BRD10: variants seen among roughly 807,000 people sequenced by gnomAD.
BRD10 encodes uncharacterized bromodomain-containing protein 10.
the BRD10 span, among the ~76,000 whole-genome samples, chr9:5,882,947 G>A: frequency 5.3e-5 from 8 of 152,122 alleles, no homozygotes; most frequent in South Asian, 2.1e-4. Flanking sequence ...CTCACAGGTG[G>A]GAATTGAACA....
the BRD10 span, among the ~76,000 whole-genome samples, chr9:5,934,699 T>A: frequency 6.6e-6 from 1 of 152,064 alleles, no homozygotes; most frequent in Non-Finnish European, 1.5e-5. Flanking sequence ...ACAAATACCT[T>A]TTAGAAAAGC....
the BRD10 span, chr9:5,897,706 A>T: frequency 6.9e-7 from 1 of 1,445,210 alleles, no homozygotes. Context: ...CCCTCTTTCC[A>T]GTTCTTTCCT....
chr9:5,929,005 C>T, the BRD10 span: 2 of 1,097,802 alleles, frequency 1.8e-6, no homozygotes, highest in Non-Finnish European at 2.7e-6. Context: ...AAATTAAGGA[C>T]CATAAAATAA....
the BRD10 span, among the ~76,000 whole-genome samples, chr9:5,998,152 G>C: frequency 6.6e-6 from 1 of 152,112 alleles, no homozygotes; most frequent in Non-Finnish European, 1.5e-5. Context: ...TAAAGTTTGA[G>C]ATGGCTACTG....
At chr9:5,920,407 G>C in the BRD10 span, 1 of 1,613,774 alleles carries the variant, frequency 6.2e-7, no homozygotes, top group Non-Finnish European at 8.5e-7. Context: ...ACTGACTCCC[G>C]ACTAGACTAG....
At chr9:5,947,950 ACTCCATAGCAG>A in the BRD10 span, among the ~76,000 whole-genome samples, 1 of 152,120 alleles carries the variant, frequency 6.6e-6, no homozygotes, top group African/African-American at 2.4e-5. Context: ...TGAACACGAA[ACTCCATAGCAG>A]CTCAGATTAC....
the BRD10 span, among the ~76,000 whole-genome samples, chr9:5,942,424 G>GTAACA: frequency 3.9e-5 from 6 of 151,968 alleles, no homozygotes; most frequent in South Asian, 6.2e-4. Context: ...ATAACATAAC[G>GTAACA]TAACATAACA....
the BRD10 span, among the ~76,000 whole-genome samples, chr9:5,952,482 C>T: frequency 6.6e-6 from 1 of 152,184 alleles, no homozygotes; most frequent in Non-Finnish European, 1.5e-5. Flanking sequence ...CTATGTGTAG[C>T]ACACTTACTA....
the BRD10 span, chr9:5,920,212 G>T: frequency 6.2e-7 from 1 of 1,613,364 alleles, no homozygotes; most frequent in Non-Finnish European, 8.5e-7. Flanking sequence ...GAATGCCTTG[G>T]CCACTGTTAA....
the BRD10 span, among the ~76,000 whole-genome samples, chr9:5,947,642 T>C: frequency 4.0e-5 from 6 of 151,868 alleles, no homozygotes; most frequent in African/African-American, 1.5e-4. Context: ...ATATATAGAG[T>C]CAAATTAACC....
the BRD10 span, among the ~76,000 whole-genome samples, chr9:5,884,912 C>G: frequency 2.0e-5 from 3 of 152,198 alleles, no homozygotes; most frequent in Non-Finnish European, 4.4e-5. Flanking sequence ...CCCGTGTTCA[C>G]CTGGAACCCC....
At chr9:5,937,881 C>G in the BRD10 span, among the ~76,000 whole-genome samples, 1 of 152,194 alleles carries the variant, frequency 6.6e-6, no homozygotes, top group African/African-American at 2.4e-5. Flanking sequence ...TCAGTGACTA[C>G]AGTCAACTGA....
chr9:5,965,550 G>A, the BRD10 span, among the ~76,000 whole-genome samples: 61 of 152,284 alleles, frequency 4.0e-4, no homozygotes, highest in East Asian at 5.8e-4. Flanking sequence ...GAGATTATAT[G>A]TTTGATTACA....
chr9:5,927,135 C>T, the BRD10 span, among the ~76,000 whole-genome samples: 3 of 152,138 alleles, frequency 2.0e-5, no homozygotes, highest in Non-Finnish European at 4.4e-5. Context: ...CTCCTCCCTT[C>T]TCACTCTCAG....
chr9:5,992,530 T>G, the BRD10 span, among the ~76,000 whole-genome samples: 1 of 38,582 alleles, frequency 2.6e-5, no homozygotes, highest in Non-Finnish European at 5.4e-4. Context: ...GCTCTCCCAT[T>G]GCAAAAAAAC....
the BRD10 span, among the ~76,000 whole-genome samples, chr9:5,888,193 T>C: frequency 1.3e-5 from 2 of 152,184 alleles, no homozygotes; most frequent in African/African-American, 2.4e-5. Flanking sequence ...ACAATGGCTA[T>C]GGAGAGCTGG....
chr9:5,996,959 G>C, the BRD10 span, among the ~76,000 whole-genome samples: 4 of 152,296 alleles, frequency 2.6e-5, no homozygotes, highest in South Asian at 4.1e-4. Context: ...AGTCTGCAAA[G>C]TACGCAGGTA....
the BRD10 span, chr9:5,890,876 C>T: frequency 6.6e-6 from 1 of 152,158 alleles, no homozygotes; most frequent in African/African-American, 2.4e-5. Context: ...CGATTAAGAG[C>T]CAGAGAAGCA....
chr9:5,927,833 T>G, the BRD10 span, among the ~76,000 whole-genome samples: 1 of 152,174 alleles, frequency 6.6e-6, no homozygotes, highest in Non-Finnish European at 1.5e-5. Flanking sequence ...TGCTCGCTTT[T>G]CTTTTCTTCT....
Sources: allele counts gnomAD v4.1 joint callset (sites outside exome capture counted in the v4.1 genomes callset), GRCh38; gene constraint gnomAD v4.1.1; transcripts MANE v1.5; gene names NCBI Gene and HGNC (gene_info 2026-07-23, HGNC 2026-07-21).